NCOA1: variants seen among roughly 807,000 people sequenced by gnomAD.
NCOA1 encodes Hin-2 protein.
A neutral mutation model predicts 150.9 loss-of-function variants in NCOA1; 35 were observed. That is an observed-to-expected ratio of 0.23 (90% CI 0.18 to 0.31). The LOEUF is 0.31. NCOA1 is among the 10% of genes least tolerant of loss of function. NCOA1 has a pLI of 1.00. For synonymous variants in NCOA1, 590 were observed against 630.0 expected, an observed-to-expected ratio of 0.94 and a Z score of 0.95; for missense variants, 1,491 against 1,749.3, an observed-to-expected ratio of 0.85 and a Z score of 2.63.
chr2:24,559,920 A>G (rs1666228910), intron 1 of NCOA1, among the ~76,000 whole-genome samples: 1 of 152,160 alleles, frequency 6.6e-6, no homozygotes, highest in South Asian at 2.1e-4. Flanking sequence ...GATTTTTGCC[A>G]GGACCTTTGG....
chr2:24,727,312 A>T (rs1662740866), intron 15 of NCOA1, among the ~76,000 whole-genome samples: 1 of 152,170 alleles, frequency 6.6e-6, no homozygotes, highest in Admixed American at 6.5e-5. Flanking sequence ...GATTACCATA[A>T]TGTATCTGGG....
chr2:24,654,676 G>A (rs1247549147), intron 4 of NCOA1, among the ~76,000 whole-genome samples: 1 of 152,090 alleles, frequency 6.6e-6, no homozygotes, highest in Non-Finnish European at 1.5e-5. Flanking sequence ...CAGTCACTGG[G>A]ACTTAGTCCT....
chr2:24,767,643 A>C (rs1203031176), intron 22 of NCOA1: 1 of 155,048 alleles, frequency 6.4e-6, no homozygotes, highest in African/African-American at 2.4e-5. Context: ...TGTTCTAATG[A>C]TAATTTGCTG....
At chr2:24,493,753 A>G (rs1663079644) in intron 1 of NCOA1, among the ~76,000 whole-genome samples, 1 of 152,220 alleles carries the variant, frequency 6.6e-6, no homozygotes, top group African/African-American at 2.4e-5. Flanking sequence ...TCTGGGCTGC[A>G]AACAGAAGCA....
intron 20 of NCOA1, among the ~76,000 whole-genome samples, chr2:24,752,891 T>C (rs1459520459): frequency 9.2e-5 from 14 of 152,080 alleles, no homozygotes; most frequent in Admixed American, 6.5e-5. Context: ...TTTTTTTTTT[T>C]CTCCAAATCC....
At chr2:24,534,198 C>G (rs1190940890) in intron 1 of NCOA1, among the ~76,000 whole-genome samples, 1 of 152,082 alleles carries the variant, frequency 6.6e-6, no homozygotes, top group Non-Finnish European at 1.5e-5. Flanking sequence ...AGGAATTTAT[C>G]CATTTCTTCT....
At chr2:24,529,137 C>T (rs917971151) in intron 1 of NCOA1, among the ~76,000 whole-genome samples, 7 of 151,978 alleles carry the variant, frequency 4.6e-5, no homozygotes, top group African/African-American at 9.7e-5. Flanking sequence ...CTGTTTGCCT[C>T]GGCCTCCCAA....
intron 19 of NCOA1, among the ~76,000 whole-genome samples, chr2:24,750,398 T>G (rs1664155698): frequency 6.6e-6 from 1 of 152,186 alleles, no homozygotes; most frequent in Admixed American, 6.5e-5. Flanking sequence ...AACATAGAGA[T>G]CACTGGAACA....
At chr2:24,691,962 G>A (rs1299269569) in intron 9 of NCOA1, among the ~76,000 whole-genome samples, 1 of 152,180 alleles carries the variant, frequency 6.6e-6, no homozygotes, top group Non-Finnish European at 1.5e-5. Flanking sequence ...ACTGCTGCCA[G>A]TTGGAAATGT....
Position 24,769,657 on chromosome 2 carries a change from A to G in NCOA1, c.*1266A>G, listed in dbSNP as rs902559310. ...CATCAGTGCAAATATAAATTTCTCT[A>G]TCCTGCTCTGAGGCTAATTGGTACC... On this transcript the variant is annotated 3_prime_UTR_variant, in exon 23 of 23. Transcript: ENST00000348332. 1 of 211,520 alleles carries G rather than the reference A, an allele frequency of 4.7e-6. No homozygotes were observed. Among genetic ancestry groups the G allele is most frequent in the Non-Finnish European group, 9.6e-6 (1 of 104,060 alleles). 13.1% of individuals were successfully genotyped at this position (211,520 alleles called of 1,614,324 possible).
In NCOA1 at chr2:24,627,466, CGTT is replaced by C. The variant is rs544408978; in HGVS notation, c.-174-16497_-174-16495del. Among the ~76,000 whole-genome samples, 8 of 152,234 alleles carry C rather than the reference CGTT, an allele frequency of 5.3e-5. No homozygotes were observed. In the East Asian group the frequency reaches 1.3e-3, roughly 26 times the overall value. On this transcript the variant is annotated intron_variant, in intron 3 of 22. Coordinates refer to ENST00000348332, the MANE Select transcript of NCOA1 (RefSeq NM_003743.5). ...GGGTACGAAGAACTGGTAAGACTGT[CGTT>C]GTCAGTTAGCAGTGTGGTAGAGTAG...
chr2:24,514,022 C>T (rs1283619623), intron 1 of NCOA1, among the ~76,000 whole-genome samples: 1 of 152,110 alleles, frequency 6.6e-6, no homozygotes, highest in African/African-American at 2.4e-5. Context: ...GGTGCGGTGG[C>T]TCATGCCTGT....
chr2:24,765,341 A>C (rs1665004862), intron 22 of NCOA1, among the ~76,000 whole-genome samples: 1 of 150,340 alleles, frequency 6.7e-6, no homozygotes, highest in Non-Finnish European at 1.5e-5. Context: ...GTTAAAATAC[A>C]AAAAAAAATT....
chr2:24,750,443 T>C (rs945333376), intron 19 of NCOA1, among the ~76,000 whole-genome samples: 1 of 152,228 alleles, frequency 6.6e-6, no homozygotes, highest in Non-Finnish European at 1.5e-5. Context: ...CTTACTTTTA[T>C]GGTCAGTTGA....
chr2:24,642,023 TGTGTGTGTGTGTGTGC>T (rs1558866437), intron 3 of NCOA1, among the ~76,000 whole-genome samples: 2 of 141,266 alleles, frequency 1.4e-5, no homozygotes, highest in Admixed American at 1.4e-4. Flanking sequence ...TGTGTGTGTG[TGTGTGTGTGTGTGTGC>T]GCGCGTGCGT....
intron 1 of NCOA1, among the ~76,000 whole-genome samples, chr2:24,561,250 C>G (rs1209512046): frequency 6.6e-6 from 1 of 152,028 alleles, no homozygotes. Context: ...GCAAAATGAC[C>G]TGCATGTGGA....
Position 24,645,403 on chromosome 2 carries a change from T to A in NCOA1, c.-18+1281T>A, listed in dbSNP as rs1452629433. On this transcript the variant is annotated intron_variant, in intron 4 of 22. Coordinates refer to ENST00000348332, the MANE Select transcript of NCOA1 (RefSeq NM_003743.5). ...CTGTAGTCCTAGCTACTCGGGAGGCTGAGGCAGGAGAATGGCGAATGGCGT... is the reference window on the plus strand; with the variant it reads ...CTGTAGTCCTAGCTACTCGGGAGGCAGAGGCAGGAGAATGGCGAATGGCGT... Among the ~76,000 whole-genome samples the A allele has an allele frequency of 4.7e-5, 7 of 149,126 alleles. No homozygotes were observed. In the East Asian group the frequency reaches 1.4e-3, roughly 29 times the overall value.
chr2:24,709,367 A>G (rs1673620137), intron 13 of NCOA1, among the ~76,000 whole-genome samples: 1 of 152,176 alleles, frequency 6.6e-6, no homozygotes, highest in Admixed American at 6.5e-5. Flanking sequence ...TTGTTAATAC[A>G]TGATATTATC....
intron 7 of NCOA1, among the ~76,000 whole-genome samples, chr2:24,674,331 G>C (rs1221513211): frequency 6.6e-6 from 1 of 151,454 alleles, no homozygotes; most frequent in African/African-American, 2.4e-5. Flanking sequence ...TCAGCCTCCT[G>C]AGTAGCTGGG....
Sources: allele counts gnomAD v4.1 joint callset (sites outside exome capture counted in the v4.1 genomes callset), GRCh38; gene constraint gnomAD v4.1.1; transcripts MANE v1.5; gene names NCBI Gene and HGNC (gene_info 2026-07-23, HGNC 2026-07-21).